ZNF304: variants seen among roughly 807,000 people sequenced by gnomAD.
The protein encoded by ZNF304 is KRAB-containing zinc finger protein.
Under a neutral mutation model 7.8 loss-of-function variants are expected in ZNF304, and 7 were observed. That is an observed-to-expected ratio of 0.90 (90% CI 0.51 to 1.69). ZNF304 has a LOEUF of 1.69. ZNF304 is among the 40% of genes most tolerant of loss of function. ZNF304 has a pLI of 0.00. For synonymous variants in ZNF304, 280 were observed against 272.4 expected, an observed-to-expected ratio of 1.03 and a Z score of -0.27; for missense variants, 669 against 804.8, an observed-to-expected ratio of 0.83 and a Z score of 2.04.
chr19:57,353,883 A>G (rs779583596), intron 2 of ZNF304, 32 bp downstream of exon 2: 3 of 1,484,794 alleles, frequency 2.0e-6, no homozygotes, highest in Non-Finnish European at 1.8e-6. Flanking sequence ...CTAATGCTAC[A>G]TGGCAAATTA....
At chr19:57,355,917 T>C in intron 2 of ZNF304, 113 bp from the exon 3 acceptor site, 1 of 1,236,162 alleles carries the variant, frequency 8.1e-7, no homozygotes, top group Middle Eastern at 2.8e-4. Context: ...CTGGCCCTCT[T>C]GTCCTGCCAA....
chr19:57,356,112 G>A lies in ZNF304; in HGVS notation c.243G>A (p.Glu81=), dbSNP rs1207301937. 6.2e-7 allele frequency: 1 copy of A among 1,614,222 alleles called. No individual in the cohort carries two copies. Among genetic ancestry groups the A allele is most frequent in the Non-Finnish European group, 8.5e-7 (1 of 1,180,040 alleles). ...GAGTGTCACAGGTCAGGACTGCTGA[G>A]TCAGGTCTTTTCCAGAAAGCACACC... The part of the protein sequence containing the change: ...VEGVSQVRTA[E]SGLFQKAHPC... Residue 81 remains glutamate (E), a synonymous_variant, in exon 3 of 3, where the codon GAG becomes GAA. Transcript: ENST00000282286.
intron 2 of ZNF304, among the ~76,000 whole-genome samples, chr19:57,355,665 G>A (rs1250869115): frequency 3.3e-5 from 5 of 152,226 alleles, no homozygotes; most frequent in East Asian, 1.9e-4. Flanking sequence ...TAAATAGTCC[G>A]TGAGAATGAG....
rs1348500696 is a variant in ZNF304, at chr19:57,359,143, G to A, written c.*1294G>A. ...CCTGTGGCCAAGGCCACTGTCAGAG[G>A]AAATAATCTAAATGTTTGTGGATTC... On this transcript the variant is annotated 3_prime_UTR_variant, in exon 3 of 3. Coordinates refer to ENST00000282286, the MANE Select transcript of ZNF304 (RefSeq NM_020657.4). 1 of 152,222 alleles carries A rather than the reference G, an allele frequency of 6.6e-6. No individual in the cohort carries two copies. Among genetic ancestry groups the A allele is most frequent in the East Asian group, 1.9e-4 (1 of 5,200 alleles). 9.4% of individuals were successfully genotyped at this position (152,222 alleles called of 1,614,324 possible).
rs1568516701 is a variant in ZNF304, at chr19:57,351,606, C to T, written c.-59C>T. 5.0e-6 allele frequency: 8 copies of T among 1,606,002 alleles called. No individual in the cohort carries two copies. The highest frequency in any genetic ancestry group is 2.2e-5 in the South Asian group (2 of 90,934). ...ACACTCAGCCCGAGGGCGTCCAGCG[C>T]GGTGGAGGCGTGGGGTTTCGGCTGA... On this transcript the variant is annotated 5_prime_UTR_variant, in exon 1 of 3. Transcript: ENST00000282286. The surrounding 1 kb of genome is among the most constrained non-coding windows in gnomAD (Gnocchi z 4.1).
chr19:57,355,518 C>T (rs2088324288), intron 2 of ZNF304: 2 of 630,144 alleles, frequency 3.2e-6, no homozygotes, highest in Non-Finnish European at 5.7e-6. Flanking sequence ...TTACTTTCCT[C>T]ATTCTTGGCA....
In ZNF304 at chr19:57,351,661, T is replaced by C; in HGVS notation, c.-4T>C. The C allele has an allele frequency of 6.2e-7, 1 of 1,613,522 alleles. No homozygotes were observed. Among genetic ancestry groups the C allele is most frequent in the Non-Finnish European group, 8.5e-7 (1 of 1,179,862 alleles). On this transcript the variant is annotated 5_prime_UTR_variant, in exon 1 of 3. Transcript: ENST00000282286. This position sits in a 1 kb window ranked among gnomAD's most constrained non-coding sequence, Gnocchi z 4.1. ...ACAGGGCACAGACTGTTCATCCGCT[T>C]CTCATGGCAGCGGCGGTGCTGATGG...
intron 1 of ZNF304, chr19:57,352,590 G>A (rs569612855): frequency 6.6e-6 from 1 of 152,320 alleles, no homozygotes; most frequent in Admixed American, 6.5e-5. Flanking sequence ...AAAGTCGTGG[G>A]AGATTTGGAG....
Position 57,351,788 on chromosome 19 carries a change from G to T in ZNF304, c.33+91G>T. Reference sequence around the variant, plus strand: ...TCGCGCACTTCAGGGTGCTCACTCCGTCGCATTATGTGGAGGGGTTCCGCT... The same window carrying T: ...TCGCGCACTTCAGGGTGCTCACTCCTTCGCATTATGTGGAGGGGTTCCGCT... On this transcript the variant is annotated intron_variant, in intron 1 of 2. Transcript: ENST00000282286. This position sits in a 1 kb window ranked among gnomAD's most constrained non-coding sequence, Gnocchi z 4.1. 1.4e-6 allele frequency: 2 copies of T among 1,406,212 alleles called. No homozygotes were observed. The highest frequency in any genetic ancestry group is 2.4e-5 in the East Asian group (1 of 41,720). The allele number at this position is 1,406,212 out of a possible 1,614,324, so 87.1% of individuals were successfully genotyped here. A position where few individuals can be genotyped will look rare whatever the true frequency, so the allele number is the denominator to read the frequency against.
At position 57,356,857 on chromosome 19, in the gene ZNF304, A is replaced by G. The variant is rs200420709; in HGVS notation, c.988A>G (p.Thr330Ala). 2.2e-5 allele frequency: 35 copies of G among 1,614,046 alleles called. No individual in the cohort carries two copies. The highest frequency in any genetic ancestry group is 2.9e-5 in the Non-Finnish European group (34 of 1,180,020). ...DTLVQHQRVH[T>A]GERSYDCSEC... ...ACTTGTTCAGCATCAGAGAGTTCAC[A>G]CTGGAGAAAGATCTTATGACTGCAG... The change falls in exon 3 of 3, where the codon ACT becomes GCT. Residue 330 changes from threonine (T) to alanine (A), a missense_variant. Coordinates refer to ENST00000282286, the MANE Select transcript of ZNF304 (RefSeq NM_020657.4).
chr19:57,355,971 G>C, intron 2 of ZNF304, 59 bp from the exon 3 acceptor site: 1 of 1,544,206 alleles, frequency 6.5e-7, no homozygotes, highest in Non-Finnish European at 8.7e-7. Context: ...CATTTGTGAT[G>C]GGGCTGCTGC....
chr19:57,355,379 G>A, intron 2 of ZNF304: 1 of 765,088 alleles, frequency 1.3e-6, no homozygotes, highest in Non-Finnish European at 2.4e-6. Flanking sequence ...ACCTACAGAG[G>A]GCATGGCCCT....
In ZNF304 at chr19:57,356,200, C is replaced by T. The variant is rs368216157; in HGVS notation, c.331C>T (p.His111Tyr). 2.4e-5 allele frequency: 38 copies of T among 1,614,120 alleles called. No homozygotes were observed. Among genetic ancestry groups the T allele is most frequent in the Non-Finnish European group, 3.2e-5 (38 of 1,180,054 alleles). Residue 111 changes from histidine to tyrosine, a missense_variant, in exon 3 of 3, where the codon CAC (histidine) becomes TAC (tyrosine). Coordinates refer to ENST00000282286, the MANE Select transcript of ZNF304 (RefSeq NM_020657.4). ...GCACCTGGCTGAACACCAGGGATCA[C>T]ACCTTACACAGAAACTGTGCACACG... The part of the protein sequence containing the change: ...ILHLAEHQGS[H>Y]LTQKLCTRGL...
In ZNF304 at chr19:57,356,380, G is replaced by T. The variant is rs1157329227; in HGVS notation, c.511G>T (p.Glu171Ter). 1 of 1,614,176 alleles carries T rather than the reference G, an allele frequency of 6.2e-7. No homozygotes were observed. Among genetic ancestry groups the T allele is most frequent in the African/African-American group, 1.3e-5 (1 of 75,034 alleles). The change falls in exon 3 of 3, where the codon GAG becomes TAG. Residue 171 changes from glutamate (E) to a stop codon, truncating the protein, a stop_gained. Transcript: ENST00000282286. LOFTEE classifies it low-confidence loss of function (END_TRUNC). Reference protein sequence around the residue: ...HMLGRSFTCREEGMDLPDSSG... With the variant: ...HMLGRSFTCR ...GTTAGGGAGATCCTTTACGTGCAGG[G>T]AGGAAGGGATGGACTTACCAGATAG...
chr19:57,357,685 C>T lies in ZNF304; in HGVS notation c.1816C>T (p.Gln606Ter). 2 of 1,614,212 alleles carry T rather than the reference C, an allele frequency of 1.2e-6. No homozygotes were observed. Among genetic ancestry groups the T allele is most frequent in the East Asian group, 2.2e-5 (1 of 44,884 alleles). Residue 606 changes from glutamine (Q) to a stop codon, truncating the protein, a stop_gained, in exon 3 of 3, where the codon CAG (glutamine) becomes TAG (stop). Coordinates refer to ENST00000282286, the MANE Select transcript of ZNF304 (RefSeq NM_020657.4). LOFTEE classifies it low-confidence loss of function (END_TRUNC). ...FSRNSGLILH[Q>*]RVHTGEKPYV... ...CCGCAACTCTGGCCTCATTCTGCAC[C>T]AGAGGGTTCACACTGGAGAAAAGCC...
chr19:57,355,488 A>G, intron 2 of ZNF304: 2 of 673,606 alleles, frequency 3.0e-6, no homozygotes, highest in Admixed American at 4.5e-5. Flanking sequence ...CAAGGCCCAT[A>G]GTGATTCTTC....
Position 57,357,818 on chromosome 19 carries a change from G to T in ZNF304, c.1949G>T (p.Gly650Val), listed in dbSNP as rs1342452428. The T allele has an allele frequency of 1.2e-6, 2 of 1,604,856 alleles. No individual in the cohort carries two copies. Among genetic ancestry groups the T allele is most frequent in the Non-Finnish European group, 1.7e-6 (2 of 1,176,970 alleles). Residue 650 changes from glycine to valine, a missense_variant, in exon 3 of 3, where the codon GGC becomes GTC. Transcript: ENST00000282286. ...GCTCACGAGTGCAACAGTTTTGGTG[G>T]CCCTTTAGCTGCATCTCTTAAACTT... is the stretch of plus-strand genomic sequence containing the variant. ...ERAHECNSFG[G>V]PLAASLKLV
chr19:57,357,336 A>C lies in ZNF304; in HGVS notation c.1467A>C (p.Thr489=). Residue 489 remains threonine (T), a synonymous_variant, in exon 3 of 3, where the codon ACA becomes ACC. Coordinates refer to ENST00000282286, the MANE Select transcript of ZNF304 (RefSeq NM_020657.4). ...GGAAGGCCTTCAGCCGTAAAGACAC[A>C]CTTGTGCAACACCAAAAAATCCACA... ...ECGKAFSRKD[T]LVQHQKIHTG... 1 of 1,608,248 alleles carries C rather than the reference A, an allele frequency of 6.2e-7. No individual in the cohort carries two copies. The highest frequency in any genetic ancestry group is 8.5e-7 in the Non-Finnish European group (1 of 1,178,516).
Position 57,356,405 on chromosome 19 carries a change from G to T in ZNF304, c.536G>T (p.Ser179Ile), listed in dbSNP as rs1025054454. 2 of 1,614,170 alleles carry T rather than the reference G, an allele frequency of 1.2e-6. No individual in the cohort carries two copies. The change falls in exon 3 of 3, where the codon AGC becomes ATC. Residue 179 changes from serine to isoleucine, a missense_variant. Transcript: ENST00000282286. The part of the protein sequence containing the change: ...CREEGMDLPD[S>I]SGLFQHQTTY... ...GAGGAAGGGATGGACTTACCAGATA[G>T]CTCTGGCCTTTTCCAGCACCAGACC...
Sources: allele counts gnomAD v4.1 joint callset (sites outside exome capture counted in the v4.1 genomes callset), GRCh38; gene constraint gnomAD v4.1.1; non-coding constraint Gnocchi (gnomAD v3.1); transcripts MANE v1.5; gene names NCBI Gene and HGNC (gene_info 2026-07-23, HGNC 2026-07-21).